Variants in GNA14 observed in about 807,000 individuals in gnomAD.
GNA14 encodes the protein G protein subunit alpha 14, also known as guanine nucleotide-binding protein subunit alpha-14.
GNA14 carries 50 observed loss-of-function variants against 42.0 expected under a neutral mutation model. That is an observed-to-expected ratio of 1.19 (90% CI 0.95 to 1.51). The LOEUF (loss-of-function observed/expected upper bound fraction) is 1.51. Ranked by LOEUF, GNA14 falls within the 40% of genes most tolerant of loss-of-function variation. GNA14 has a pLI of 0.00. For missense variants in GNA14, 473 were observed against 446.2 expected, an observed-to-expected ratio of 1.06 and a Z score of -0.54; for synonymous variants, 173 against 163.1, an observed-to-expected ratio of 1.06 and a Z score of -0.46.
intron 1 of GNA14, among the ~76,000 whole-genome samples, chr9:77,641,891 G>A (rs1304371979): frequency 2.0e-5 from 3 of 152,082 alleles, no homozygotes; most frequent in African/African-American, 7.2e-5. Context: ...TAAGAGTTTA[G>A]GGAAAAAAAG....
At position 77,425,601 on chromosome 9, in the gene GNA14, T is replaced by C. The variant is rs1273219288; in HGVS notation, c.838A>G (p.Met280Val). The change falls in exon 6 of 7, where the codon ATG becomes GTG. Residue 280 changes from methionine (M) to valine (V), a missense_variant. Met to Val is a conservative substitution (Grantham distance 21, BLOSUM62 1). Coordinates refer to ENST00000341700, the MANE Select transcript of GNA14 (RefSeq NM_004297.4). ...AAATAGCTAATTAGATGAGAGTACATGATTTTCTCTTCCAAAAGATCCTTC... is the reference window on the plus strand; with the variant it reads ...AAATAGCTAATTAGATGAGAGTACACGATTTTCTCTTCCAAAAGATCCTTC... ...NKKDLLEEKI[M>V]YSHLISYFPE... 6.2e-7 allele frequency: 1 copy of C among 1,609,188 alleles called. No homozygotes were observed. Among genetic ancestry groups the C allele is most frequent in the African/African-American group, 1.3e-5 (1 of 74,762 alleles).
intron 2 of GNA14, among the ~76,000 whole-genome samples, chr9:77,475,603 A>AC (rs1836405457): frequency 6.6e-6 from 1 of 151,866 alleles, no homozygotes; most frequent in South Asian, 2.1e-4. Context: ...CTGAGCATGG[A>AC]CCCTTCCTTC....
chr9:77,604,879 C>G (rs1193473982), intron 1 of GNA14, among the ~76,000 whole-genome samples: 3 of 152,246 alleles, frequency 2.0e-5, no homozygotes, highest in African/African-American at 7.2e-5. Context: ...CCCCAACATT[C>G]CAGTCCTCTG....
chr9:77,424,780 A>G (rs1158155019), intron 6 of GNA14, among the ~76,000 whole-genome samples: 4 of 152,192 alleles, frequency 2.6e-5, no homozygotes, highest in Non-Finnish European at 4.4e-5. Flanking sequence ...ATATGGACAG[A>G]CAGCTCTGGT....
chr9:77,426,343 C>T (rs550721843), intron 5 of GNA14, among the ~76,000 whole-genome samples: 11 of 151,676 alleles, frequency 7.3e-5, no homozygotes, highest in South Asian at 6.3e-4. Flanking sequence ...CTCGCTGTGT[C>T]GCCCAGGCTG....
chr9:77,468,544 A>G (rs2131719519), intron 2 of GNA14, among the ~76,000 whole-genome samples: 1 of 152,278 alleles, frequency 6.6e-6, no homozygotes, highest in African/African-American at 2.4e-5. Context: ...TCTAATATTT[A>G]TTAATATTTC....
chr9:77,454,672 T>C (rs746897846), intron 2 of GNA14, among the ~76,000 whole-genome samples: 2 of 151,488 alleles, frequency 1.3e-5, no homozygotes, highest in South Asian at 4.2e-4. Context: ...CTTGATTCCA[T>C]GACCTCACTA....
At chr9:77,566,641 G>GGA (rs1247128490) in intron 1 of GNA14, among the ~76,000 whole-genome samples, 7 of 152,194 alleles carry the variant, frequency 4.6e-5, no homozygotes, top group African/African-American at 1.4e-4. Flanking sequence ...AGTTTGAAAG[G>GGA]CTTCAATATG....
At chr9:77,565,218 G>GTA (rs1822947920) in intron 1 of GNA14, among the ~76,000 whole-genome samples, 2 of 152,114 alleles carry the variant, frequency 1.3e-5, no homozygotes, top group Admixed American at 1.3e-4. Context: ...CTGCTGTCCA[G>GTA]TATAGTAGCC....
intron 1 of GNA14, among the ~76,000 whole-genome samples, chr9:77,533,612 T>C (rs996970544): frequency 2.0e-5 from 3 of 152,198 alleles, no homozygotes; most frequent in Non-Finnish European, 4.4e-5. Context: ...TTAACGTCCC[T>C]TTCTCTGCGT....
chr9:77,512,187 C>G (rs761781975), intron 2 of GNA14, among the ~76,000 whole-genome samples: 3 of 152,026 alleles, frequency 2.0e-5, no homozygotes, highest in Non-Finnish European at 4.4e-5. Flanking sequence ...AGAACACAAA[C>G]ATACGATTTA....
chr9:77,592,724 A>G (rs1230783565), intron 1 of GNA14, among the ~76,000 whole-genome samples: 4 of 152,288 alleles, frequency 2.6e-5, no homozygotes, highest in South Asian at 2.1e-4. Context: ...TTTCTGTGTT[A>G]TAAGTACTTT....
At chr9:77,510,926 G>A (rs1271205703) in intron 2 of GNA14, among the ~76,000 whole-genome samples, 1 of 152,076 alleles carries the variant, frequency 6.6e-6, no homozygotes, top group East Asian at 1.9e-4. Flanking sequence ...AGCCCTTGGT[G>A]GGGGAGGAGA....
At chr9:77,552,443 G>T (rs1837797645) in intron 1 of GNA14, among the ~76,000 whole-genome samples, 1 of 152,180 alleles carries the variant, frequency 6.6e-6, no homozygotes, top group Non-Finnish European at 1.5e-5. Flanking sequence ...TTTCCTAACA[G>T]AATTGAAAAC....
In GNA14 at chr9:77,553,704, G is replaced by GCTC. The variant is rs1837812613; in HGVS notation, c.125-24452_125-24451insGAG. Among the ~76,000 whole-genome samples the GCTC allele has an allele frequency of 2.0e-5, 3 of 152,158 alleles. No homozygotes were observed. In the East Asian group the frequency reaches 5.9e-4, roughly 30 times the overall value. The stretch of plus-strand genomic sequence containing the variant: ...TCCCACTTATTTGTGTGCACAGCAA[G>GCTC]ATGAAGAATTATATGACAGCTTGCA... On this transcript the variant is annotated intron_variant, in intron 1 of 6. Transcript: ENST00000341700.
At chr9:77,624,215 T>C (rs1292985280) in intron 1 of GNA14, among the ~76,000 whole-genome samples, 1 of 152,116 alleles carries the variant, frequency 6.6e-6, no homozygotes, top group Non-Finnish European at 1.5e-5. Context: ...AGACTGCCTG[T>C]CTAGATTCCT....
Position 77,501,942 on chromosome 9 carries a change from C to T in GNA14, c.309+27127G>A, listed in dbSNP as rs78010932. Among the ~76,000 whole-genome samples, 6 of 151,952 alleles carry T rather than the reference C, an allele frequency of 3.9e-5. No homozygotes were observed. The East Asian group carries it at 5.8e-4, about 15-fold the overall frequency. On this transcript the variant is annotated intron_variant, in intron 2 of 6. Coordinates refer to ENST00000341700, the MANE Select transcript of GNA14 (RefSeq NM_004297.4). Reference sequence around the variant, plus strand: ...GCCAGGATGGTCGATCTCTTGACTTCGTGATCCACCTGCCTCAGCCTCCCA... The same window carrying T: ...GCCAGGATGGTCGATCTCTTGACTTTGTGATCCACCTGCCTCAGCCTCCCA...
rs1000417032 is a variant in GNA14, at chr9:77,551,515, C to G, written c.125-22262G>C. The stretch of plus-strand genomic sequence containing the variant: ...TATACATGCGCAGACACTCACCCAC[C>G]CCCCCTTCAAGTGACCCCAAATCAC... On this transcript the variant is annotated intron_variant, in intron 1 of 6. Coordinates refer to ENST00000341700, the MANE Select transcript of GNA14 (RefSeq NM_004297.4). 2.0e-5 allele frequency among the ~76,000 whole-genome samples: 3 copies of G among 151,342 alleles called. 1 individual carries two copies. The highest frequency in any genetic ancestry group is 7.3e-5 in the African/African-American group (3 of 41,176).
At position 77,434,588 on chromosome 9, in the gene GNA14, G is replaced by A. The variant is rs1835613362; in HGVS notation, c.310-66C>T. 12 of 1,406,426 alleles carry A rather than the reference G, an allele frequency of 8.5e-6. No individual in the cohort carries two copies. The Admixed American group carries it at 2.1e-4, about 25-fold the overall frequency. 87.1% of individuals were successfully genotyped at this position (1,406,426 alleles called of 1,614,324 possible). The stretch of plus-strand genomic sequence containing the variant: ...GGAAGCCAACCCATTGGCAATGTCG[G>A]TACAAGTCTTGCCCTGGTCTGTGGA... On this transcript the variant is annotated intron_variant, in intron 2 of 6. Coordinates refer to ENST00000341700, the MANE Select transcript of GNA14 (RefSeq NM_004297.4).
Sources: gnomAD v4.1 joint callset for allele counts (sites outside exome capture counted in the v4.1 genomes callset) on GRCh38, gnomAD v4.1.1 for gene constraint, MANE v1.5 for transcripts, NCBI Gene and HGNC (gene_info 2026-07-23, HGNC 2026-07-21) for gene names.